PPFIA2: variants seen among roughly 807,000 people sequenced by gnomAD.
PPFIA2 encodes the protein PPFI scaffold protein A2, also known as liprin-alpha-2.
A neutral mutation model predicts 175.5 loss-of-function variants in PPFIA2; 46 were observed. The observed-to-expected ratio is 0.26, with a 90% confidence interval of 0.21 to 0.34. PPFIA2 has a LOEUF of 0.34. Among genes scored for constraint, PPFIA2 ranks in the 10% least tolerant of loss-of-function variants. PPFIA2 has a pLI of 1.00. For synonymous variants in PPFIA2, 568 were observed against 511.4 expected, an observed-to-expected ratio of 1.11 and a Z score of -1.49; for missense variants, 1,179 against 1,506.1, an observed-to-expected ratio of 0.78 and a Z score of 3.60.
chr12:81,310,467 C>A (rs2050486463), intron 22 of PPFIA2, among the ~76,000 whole-genome samples: 1 of 152,062 alleles, frequency 6.6e-6, no homozygotes, highest in South Asian at 2.1e-4. Flanking sequence ...ATATCAGTTT[C>A]TTACAGTCCA....
At chr12:81,315,061 G>A (rs1312742570) in intron 22 of PPFIA2, among the ~76,000 whole-genome samples, 2 of 151,602 alleles carry the variant, frequency 1.3e-5, no homozygotes, top group African/African-American at 4.8e-5. Context: ...GTGTATATTT[G>A]GCATCAAGCA....
rs543794696 is a variant in PPFIA2, at chr12:81,399,290, C to CAAA, written c.762+6494_762+6496dup. Among the ~76,000 whole-genome samples the CAAA allele has an allele frequency of 5.8e-3, 242 of 41,988 alleles. 14 individuals are homozygous for CAAA. The highest frequency in any genetic ancestry group is 0.015 in the East Asian group (19 of 1,298). 27.5% of individuals were successfully genotyped at this position (41,988 alleles called of 152,430 possible). ...AAGTCTTTGGAAATATCCTTCTTCA[C>CAAA]AAAAAAAAAAAAAAAAAAAAAAAAA... On this transcript the variant is annotated intron_variant, in intron 8 of 32. Transcript: ENST00000549396.
intron 4 of PPFIA2, among the ~76,000 whole-genome samples, chr12:81,647,004 T>A (rs1461557278): frequency 6.6e-6 from 1 of 151,292 alleles, no homozygotes; most frequent in Non-Finnish European, 1.5e-5. Context: ...ATGATGACAC[T>A]TTCAGGCAGA....
chr12:81,568,361 C>T (rs1415262814), intron 4 of PPFIA2, among the ~76,000 whole-genome samples: 2 of 152,138 alleles, frequency 1.3e-5, no homozygotes, highest in African/African-American at 4.8e-5. Context: ...GGTGGGTCTC[C>T]TTTCTTGTAT....
chr12:81,690,903 G>A (rs1450188633), intron 3 of PPFIA2, among the ~76,000 whole-genome samples: 1 of 152,002 alleles, frequency 6.6e-6, no homozygotes, highest in South Asian at 2.1e-4. Flanking sequence ...TCAATCTCTA[G>A]TTCTATGTTC....
chr12:81,318,464 C>A (rs1486515418), intron 22 of PPFIA2, among the ~76,000 whole-genome samples: 2 of 151,652 alleles, frequency 1.3e-5, no homozygotes, highest in Non-Finnish European at 3.0e-5. Context: ...TAAGTATAGT[C>A]CTAAAGCTGG....
intron 4 of PPFIA2, among the ~76,000 whole-genome samples, chr12:81,515,111 A>G (rs956913465): frequency 6.6e-6 from 1 of 152,014 alleles, no homozygotes; most frequent in Admixed American, 6.6e-5. Flanking sequence ...ACACTGAAAA[A>G]TGAAGATACA....
chr12:81,603,636 A>G (rs17008769), intron 4 of PPFIA2, among the ~76,000 whole-genome samples: 2,215 of 151,770 alleles, frequency 0.015, 46 homozygotes, highest in East Asian at 0.041. Flanking sequence ...CATGGGCTAC[A>G]TTACCTGAAA....
At chr12:81,587,255 G>A (rs749225207) in intron 4 of PPFIA2, among the ~76,000 whole-genome samples, 14 of 151,894 alleles carry the variant, frequency 9.2e-5, no homozygotes, top group Admixed American at 2.0e-4. Flanking sequence ...GGATCATGGC[G>A]GCAGTTCCTC....
At position 81,294,729 on chromosome 12, in the gene PPFIA2, T is replaced by C. The variant is rs2046068565; in HGVS notation, c.2925+106A>G. ...AGCAAGCTTAATCTCTTGAGAATAA[T>C]TCAAGCTGACATTGAAATGTGTGCT... is the stretch of plus-strand genomic sequence containing the variant. On this transcript the variant is annotated intron_variant, in intron 24 of 32. Coordinates refer to ENST00000549396, the MANE Select transcript of PPFIA2 (RefSeq NM_003625.5). 1.4e-5 allele frequency: 15 copies of C among 1,050,598 alleles called. No homozygotes were observed. In the South Asian group the frequency reaches 2.2e-4, roughly 15 times the overall value. The allele number at this position is 1,050,598 out of a possible 1,614,324, so 65.1% of individuals were successfully genotyped here.
chr12:81,369,713 C>T (rs180720648), intron 11 of PPFIA2, among the ~76,000 whole-genome samples: 12 of 151,566 alleles, frequency 7.9e-5, no homozygotes, highest in South Asian at 2.1e-4. Flanking sequence ...ATCAGACTAA[C>T]GAGTCAAGGA....
intron 24 of PPFIA2, among the ~76,000 whole-genome samples, chr12:81,289,052 A>G (rs1315849774): frequency 1.3e-5 from 2 of 151,842 alleles, no homozygotes; most frequent in African/African-American, 4.8e-5. Flanking sequence ...ACCTTAGGTG[A>G]GTCAGTTTAC....
chr12:81,281,512 T>C, intron 26 of PPFIA2, 62 bp from the exon 27 acceptor site: 1 of 1,048,928 alleles, frequency 9.5e-7, no homozygotes, highest in Non-Finnish European at 1.4e-6. Flanking sequence ...AATTGGATAA[T>C]ATTACCTATT....
At chr12:81,448,584 C>A (rs1019974310) in intron 5 of PPFIA2, among the ~76,000 whole-genome samples, 1 of 152,162 alleles carries the variant, frequency 6.6e-6, no homozygotes, top group East Asian at 1.9e-4. Flanking sequence ...ATTTTCTGAA[C>A]TTATCTCCTA....
chr12:81,476,827 G>T (rs1006112755), intron 4 of PPFIA2, among the ~76,000 whole-genome samples: 1 of 152,124 alleles, frequency 6.6e-6, no homozygotes, highest in Non-Finnish European at 1.5e-5. Flanking sequence ...ATCAATGATA[G>T]ACTGGATAAA....
intron 3 of PPFIA2, among the ~76,000 whole-genome samples, chr12:81,716,936 T>G (rs1191318774): frequency 6.6e-6 from 1 of 151,406 alleles, no homozygotes; most frequent in South Asian, 2.1e-4. Flanking sequence ...TTTTTCTGAA[T>G]AGAATAAGTC....
intron 3 of PPFIA2, among the ~76,000 whole-genome samples, chr12:81,708,075 T>A (rs1214148943): frequency 6.7e-6 from 1 of 148,232 alleles, no homozygotes; most frequent in African/African-American, 2.5e-5. Flanking sequence ...TAATGCTAGA[T>A]GACGAGTTAG....
chr12:81,457,074 C>T (rs1054637593), intron 5 of PPFIA2, among the ~76,000 whole-genome samples: 2 of 151,634 alleles, frequency 1.3e-5, no homozygotes, highest in Non-Finnish European at 2.9e-5. Flanking sequence ...GGTGCAATCT[C>T]GGTTCACTGC....
chr12:81,655,608 A>AT (rs2067674553), intron 4 of PPFIA2, among the ~76,000 whole-genome samples: 2 of 151,886 alleles, frequency 1.3e-5, no homozygotes, highest in African/African-American at 4.8e-5. Flanking sequence ...TTTAGTTATT[A>AT]TTTTTAAAAT....
Sources: gnomAD v4.1 joint callset for allele counts (sites outside exome capture counted in the v4.1 genomes callset) on GRCh38, gnomAD v4.1.1 for gene constraint, MANE v1.5 for transcripts, NCBI Gene and HGNC (gene_info 2026-07-23, HGNC 2026-07-21) for gene names.